The following HNRNPC variants were observed in gnomAD, a reference collection of about 807,000 sequenced individuals.
HNRNPC encodes the protein heterogeneous nuclear ribonucleoprotein C.
Under a neutral mutation model 33.2 loss-of-function variants are expected in HNRNPC, and 3 were observed. The ratio of observed to expected loss-of-function variants is 0.09; its 90% CI spans 0.04 to 0.23. The LOEUF is 0.23. HNRNPC is among the 10% of genes least tolerant of loss of function. The pLI is 1.00. For missense variants in HNRNPC, 143 were observed against 366.7 expected, an observed-to-expected ratio of 0.39 and a Z score of 4.98; for synonymous variants, 121 against 126.7, an observed-to-expected ratio of 0.96 and a Z score of 0.30.
chr14:21,230,752 A>G (rs1006084682), intron 4 of HNRNPC: 57 of 520,544 alleles, frequency 1.1e-4, no homozygotes, highest in African/African-American at 9.8e-4. Context: ...CTACTCTTTA[A>G]TATCAATAGC....
chr14:21,222,318 A>T (rs142603785), intron 5 of HNRNPC, among the ~76,000 whole-genome samples: 35 of 152,318 alleles, frequency 2.3e-4, no homozygotes, highest in African/African-American at 7.7e-4. Flanking sequence ...TATATACTCA[A>T]AAGAAATGAA....
At chr14:21,241,429 T>G (rs1895332109) in intron 2 of HNRNPC, among the ~76,000 whole-genome samples, 1 of 152,150 alleles carries the variant, frequency 6.6e-6, no homozygotes, top group African/African-American at 2.4e-5. Context: ...AGCAATGAGT[T>G]GTCAATTTTC....
At chr14:21,212,429 A>G (rs912778819) in intron 6 of HNRNPC, among the ~76,000 whole-genome samples, 2 of 152,240 alleles carry the variant, frequency 1.3e-5, no homozygotes, top group South Asian at 4.1e-4. Context: ...AAAAAATCTC[A>G]GGAACTTAAC....
intron 5 of HNRNPC, among the ~76,000 whole-genome samples, chr14:21,217,182 C>A (rs924266577): frequency 9.8e-5 from 15 of 152,286 alleles, no homozygotes; most frequent in South Asian, 8.3e-4. Flanking sequence ...GTAGTCCTTG[C>A]CTCAAAATGT....
intron 2 of HNRNPC, among the ~76,000 whole-genome samples, chr14:21,257,295 G>C (rs78041382): frequency 0.14 from 21,604 of 151,976 alleles, 1,993 homozygotes; most frequent in South Asian, 0.23. Context: ...ACAGAAAAGA[G>C]AAGTGGAAGG....
chr14:21,241,929 G>C (rs2139716580), intron 2 of HNRNPC, among the ~76,000 whole-genome samples: 1 of 152,274 alleles, frequency 6.6e-6, no homozygotes, highest in South Asian at 2.1e-4. Context: ...TTAAGTATTA[G>C]AACTAAGAAT....
intron 3 of HNRNPC, 62 bp from the exon 4 acceptor site, chr14:21,231,134 G>GT (rs1362573325): frequency 6.7e-7 from 1 of 1,499,202 alleles, no homozygotes; most frequent in Non-Finnish European, 9.2e-7. Flanking sequence ...AAACTACAAA[G>GT]TTTATTTTTT....
intron 2 of HNRNPC, among the ~76,000 whole-genome samples, chr14:21,237,808 G>C (rs575805299): frequency 6.6e-6 from 1 of 151,658 alleles, no homozygotes; most frequent in Non-Finnish European, 1.5e-5. Flanking sequence ...AGTTTCACTC[G>C]TTGCCAAGGA....
intron 6 of HNRNPC, 134 bp from the exon 7 acceptor site, chr14:21,212,057 G>C (rs141018174): frequency 3.0e-6 from 2 of 668,124 alleles, no homozygotes; most frequent in East Asian, 5.3e-5. Flanking sequence ...CAGATTTCTC[G>C]GTAATAAAGG....
Position 21,233,934 on chromosome 14 carries a change from A to G in HNRNPC, c.241+19T>C, listed in dbSNP as rs368758920. 3.0e-5 allele frequency: 48 copies of G among 1,610,096 alleles called. No homozygotes were observed. The African/African-American group carries it at 5.5e-4, about 18-fold the overall frequency. On this transcript the variant is annotated intron_variant, in intron 3 of 8. Transcript: ENST00000553300. ...AAACTCAGGCCTGAATTACATCATC[A>G]ATGAAAAAATTCACTTACCTAAAAC...
Position 21,218,704 on chromosome 14 carries a change from A to AAAAAAC in HNRNPC, c.366-5588_366-5587insGTTTTT, listed in dbSNP as rs1225752731. 1.4e-3 allele frequency among the ~76,000 whole-genome samples: 195 copies of AAAAAAC among 136,872 alleles called. 7 individuals carry two copies. Among genetic ancestry groups the AAAAAAC allele is most frequent in the African/African-American group, 5.2e-3 (188 of 36,248 alleles). 89.8% of individuals were successfully genotyped at this position (136,872 alleles called of 152,430 possible). On this transcript the variant is annotated intron_variant, in intron 5 of 8. Transcript: ENST00000553300. Reference sequence around the variant, plus strand: ...CTCAAAAAAAAAAAAAAAAAAAAAAAAAAACTGAAATTGAGTCACATGCAG... The same window carrying AAAAAAC: ...CTCAAAAAAAAAAAAAAAAAAAAAAAAAAAACAAAACTGAAATTGAGTCACATGCAG...
intron 5 of HNRNPC, among the ~76,000 whole-genome samples, chr14:21,220,009 T>C (rs758355603): frequency 9.9e-5 from 15 of 152,156 alleles, no homozygotes; most frequent in Admixed American, 8.5e-4. Flanking sequence ...ATCACTCCCA[T>C]TGCCATTTCT....
chr14:21,246,013 G>A (rs556300429), intron 2 of HNRNPC, among the ~76,000 whole-genome samples: 8 of 151,922 alleles, frequency 5.3e-5, no homozygotes, highest in South Asian at 2.1e-4. Flanking sequence ...GCCTGACTAC[G>A]GGGTTTGACC....
chr14:21,251,013 G>C (rs561840091), intron 2 of HNRNPC, among the ~76,000 whole-genome samples: 1 of 152,262 alleles, frequency 6.6e-6, no homozygotes, highest in Admixed American at 6.5e-5. Context: ...TGTAATCCCA[G>C]CACTCTGGGA....
intron 2 of HNRNPC, among the ~76,000 whole-genome samples, chr14:21,259,769 C>CTGAG (rs1877852337): frequency 6.6e-6 from 1 of 151,346 alleles, no homozygotes; most frequent in South Asian, 2.1e-4. Flanking sequence ...TACTTCCAAT[C>CTGAG]TCATTTCCTC....
At chr14:21,247,403 CAA>C (rs1188369189) in intron 2 of HNRNPC, among the ~76,000 whole-genome samples, 1 of 152,112 alleles carries the variant, frequency 6.6e-6, no homozygotes, top group African/African-American at 2.4e-5. Context: ...TCCTTCAATA[CAA>C]AAGTTTTTCG....
chr14:21,225,992 T>C (rs1893377518), intron 5 of HNRNPC, among the ~76,000 whole-genome samples: 1 of 151,932 alleles, frequency 6.6e-6, no homozygotes, highest in African/African-American at 2.4e-5. Flanking sequence ...GATCAAGACT[T>C]TTATGAGAAT....
At chr14:21,268,871 C>T (rs746799532) in intron 1 of HNRNPC, among the ~76,000 whole-genome samples, 30 of 152,062 alleles carry the variant, frequency 2.0e-4, no homozygotes, top group Non-Finnish European at 3.5e-4. Context: ...TAAAGGCTCG[C>T]GATACATCTA....
intron 2 of HNRNPC, among the ~76,000 whole-genome samples, chr14:21,257,160 G>A (rs1196518279): frequency 1.3e-5 from 2 of 152,172 alleles, no homozygotes; most frequent in Admixed American, 1.3e-4. Flanking sequence ...TGTCATGCAG[G>A]TAAACTGAAT....
Sources: gnomAD v4.1 joint callset for allele counts (sites outside exome capture counted in the v4.1 genomes callset) on GRCh38, gnomAD v4.1.1 for gene constraint, MANE v1.5 for transcripts, NCBI Gene and HGNC (gene_info 2026-07-23, HGNC 2026-07-21) for gene names.